Variants in GABRB1 observed in about 807,000 individuals in gnomAD.
The protein encoded by GABRB1 is gamma-aminobutyric acid type A receptor subunit beta1, also known as gamma-aminobutyric acid receptor subunit beta-1.
In GABRB1, 17 loss-of-function variants were observed where a neutral mutation model predicts 51.6. The observed-to-expected ratio is 0.33, with a 90% CI of 0.23 to 0.49. The LOEUF (loss-of-function observed/expected upper bound fraction) is 0.49, where lower values mean the gene tolerates loss of function less well. Ranked by LOEUF, GABRB1 falls within the 20% of genes least tolerant of loss-of-function variation. GABRB1 has a pLI of 0.99. For missense variants in GABRB1, 410 were observed against 600.6 expected (o/e 0.68, Z 3.32); for synonymous variants, 247 against 218.9 (o/e 1.13, Z -1.14).
chr4:47,356,532 G>A (rs533499795), intron 5 of GABRB1, among the ~76,000 whole-genome samples: 14 of 152,176 alleles, frequency 9.2e-5, no homozygotes, highest in African/African-American at 2.9e-4. Flanking sequence ...TTATACTAAG[G>A]ACAAAATAAG....
chr4:47,024,358 T>G (rs1311578037), intron 1 of GABRB1, among the ~76,000 whole-genome samples: 2 of 151,946 alleles, frequency 1.3e-5, no homozygotes, highest in African/African-American at 4.8e-5. Context: ...GTATTTTATT[T>G]CTTAAGCACA....
At chr4:47,225,181 C>CACTGCAT (rs1392228707) in intron 4 of GABRB1, among the ~76,000 whole-genome samples, 1 of 152,112 alleles carries the variant, frequency 6.6e-6, no homozygotes, top group Non-Finnish European at 1.5e-5. Context: ...AGGCATGAGC[C>CACTGCAT]ACTGCATAAT....
chr4:47,343,280 G>A (rs34477166), intron 5 of GABRB1, among the ~76,000 whole-genome samples: 33,291 of 151,946 alleles, frequency 0.22, 4,614 homozygotes, highest in Middle Eastern at 0.39. Context: ...ATTTTTAAAC[G>A]AGGATAAAAT....
chr4:47,374,277 T>C (rs922365987), intron 5 of GABRB1, among the ~76,000 whole-genome samples: 4 of 152,178 alleles, frequency 2.6e-5, no homozygotes, highest in Non-Finnish European at 5.9e-5. Flanking sequence ...TGGTCCCACC[T>C]ACTCAGGACG....
chr4:47,032,846 C>T (rs774448871), intron 3 of GABRB1: 3 of 433,124 alleles, frequency 6.9e-6, no homozygotes, highest in South Asian at 1.8e-5. Flanking sequence ...CTAGGGTCCC[C>T]GGACCGGTGG....
chr4:47,105,474 A>T (rs76969467), intron 3 of GABRB1, among the ~76,000 whole-genome samples: 3,216 of 152,116 alleles, frequency 0.021, 57 homozygotes, highest in Middle Eastern at 0.034. Context: ...GTTCTTGTGG[A>T]TGAGGCTTCC....
At chr4:47,259,258 C>T (rs1162783089) in intron 4 of GABRB1, among the ~76,000 whole-genome samples, 1 of 152,056 alleles carries the variant, frequency 6.6e-6, no homozygotes, top group Non-Finnish European at 1.5e-5. Context: ...CGCACAGCTA[C>T]CCCAAAATTC....
intron 4 of GABRB1, among the ~76,000 whole-genome samples, chr4:47,302,008 A>T (rs554324424): frequency 6.6e-6 from 1 of 152,320 alleles, no homozygotes; most frequent in Admixed American, 6.5e-5. Context: ...ACAGAATGAA[A>T]GGTAAAGCCC....
intron 3 of GABRB1, among the ~76,000 whole-genome samples, chr4:47,131,211 G>A (rs902219498): frequency 1.3e-5 from 2 of 151,876 alleles, no homozygotes; most frequent in African/African-American, 2.4e-5. Flanking sequence ...CCAGGCTGGA[G>A]TGCAGTGGCG....
intron 3 of GABRB1, among the ~76,000 whole-genome samples, chr4:47,106,398 C>G (rs1714972757): frequency 6.6e-6 from 1 of 151,796 alleles, no homozygotes; most frequent in Non-Finnish European, 1.5e-5. Context: ...GCTTATGGAA[C>G]TAATGTTATT....
At chr4:47,297,720 T>A (rs1560320580) in intron 4 of GABRB1, among the ~76,000 whole-genome samples, 2 of 152,096 alleles carry the variant, frequency 1.3e-5, no homozygotes, top group South Asian at 2.1e-4. Context: ...ACTATTCCAA[T>A]CAATAGAAAA....
At chr4:47,291,151 G>C (rs1723714085) in intron 4 of GABRB1, among the ~76,000 whole-genome samples, 1 of 152,160 alleles carries the variant, frequency 6.6e-6, no homozygotes, top group African/African-American at 2.4e-5. Context: ...TAGGGACTTG[G>C]TGCCCTGTGT....
chr4:47,100,206 T>C lies in GABRB1; in HGVS notation c.241-61043T>C, dbSNP rs1044983162. Among the ~76,000 whole-genome samples, 4 of 148,512 alleles carry C rather than the reference T, an allele frequency of 2.7e-5. No individual in the cohort carries two copies. The East Asian group carries it at 5.8e-4, about 22-fold the overall frequency. ...ATTTCTAGAAGAAATCTTAAGGAAA[T>C]GTTTAATCACATTTTGAGGATAATA... On this transcript the variant is annotated intron_variant, in intron 3 of 8. Transcript: ENST00000295454.
intron 5 of GABRB1, among the ~76,000 whole-genome samples, chr4:47,388,842 C>G (rs1727887503): frequency 1.3e-5 from 2 of 151,722 alleles, no homozygotes; most frequent in Non-Finnish European, 2.9e-5. Context: ...AAAGTGTTCT[C>G]AAAGATGGGA....
intron 5 of GABRB1, among the ~76,000 whole-genome samples, chr4:47,352,729 G>A (rs1010123339): frequency 6.6e-6 from 1 of 151,988 alleles, no homozygotes; most frequent in African/African-American, 2.4e-5. Flanking sequence ...TTGCCTGATT[G>A]GCATTTCAAC....
At chr4:47,348,364 G>A (rs1248974023) in intron 5 of GABRB1, among the ~76,000 whole-genome samples, 3 of 152,160 alleles carry the variant, frequency 2.0e-5, no homozygotes, top group Non-Finnish European at 2.9e-5. Context: ...AAAAAACCAC[G>A]AATTGCCCAC....
At chr4:47,407,395 C>T (rs1002479766) in intron 8 of GABRB1, among the ~76,000 whole-genome samples, 3 of 152,130 alleles carry the variant, frequency 2.0e-5, no homozygotes, top group Non-Finnish European at 2.9e-5. Context: ...TCTCAGTGTC[C>T]TCATCCATAA....
intron 4 of GABRB1, among the ~76,000 whole-genome samples, chr4:47,217,160 T>C (rs1408653765): frequency 1.3e-5 from 2 of 151,778 alleles, no homozygotes; most frequent in Non-Finnish European, 3.0e-5. Context: ...ACTTAAAGAA[T>C]TAAGACATTT....
intron 4 of GABRB1, among the ~76,000 whole-genome samples, chr4:47,214,383 A>C (rs1414060574): frequency 6.6e-6 from 1 of 151,938 alleles, no homozygotes; most frequent in Non-Finnish European, 1.5e-5. Flanking sequence ...TTGTAGCTGG[A>C]TCTGCTGGTT....
Sources: gnomAD v4.1 joint callset for allele counts (sites outside exome capture counted in the v4.1 genomes callset) on GRCh38, gnomAD v4.1.1 for gene constraint, MANE v1.5 for transcripts, NCBI Gene and HGNC (gene_info 2026-07-23, HGNC 2026-07-21) for gene names.